TRIO: variants seen among roughly 807,000 people sequenced by gnomAD.
TRIO encodes triple functional domain protein.
TRIO carries 58 observed loss-of-function variants against 351.9 expected under a neutral mutation model. The observed-to-expected ratio is 0.16, with a 90% CI of 0.13 to 0.21. The LOEUF is 0.21. Ranked by LOEUF, TRIO falls within the 10% of genes least tolerant of loss-of-function variation. The probability of loss-of-function intolerance (pLI) is 1.00; values close to 1 mark genes in which losing one functional copy is unlikely to be tolerated. For missense variants in TRIO, 3,201 were observed against 4,027.8 expected, an observed-to-expected ratio of 0.79 and a Z score of 5.56; for synonymous variants, 1,758 against 1,595.7, an observed-to-expected ratio of 1.10 and a Z score of -2.42.
chr5:14,326,300 C>A (rs1740376736), intron 9 of TRIO, among the ~76,000 whole-genome samples: 1 of 152,212 alleles, frequency 6.6e-6, no homozygotes, highest in South Asian at 2.1e-4. Context: ...TTCAGTCTTG[C>A]AATTAGGACC....
intron 56 of TRIO, 96 bp from the exon 57 acceptor site, chr5:14,507,784 T>C: frequency 1.4e-6 from 2 of 1,450,042 alleles, no homozygotes; most frequent in Non-Finnish European, 1.9e-6. Context: ...GTTGACATCC[T>C]AGATTCCTTC....
intron 1 of TRIO, among the ~76,000 whole-genome samples, chr5:14,186,484 G>A (rs1482773866): frequency 2.0e-5 from 3 of 152,200 alleles, no homozygotes; most frequent in Non-Finnish European, 4.4e-5. Flanking sequence ...TGGGTGGGCA[G>A]GGACAGACAG....
intron 34 of TRIO, among the ~76,000 whole-genome samples, chr5:14,428,556 G>C (rs1750837155): frequency 6.6e-6 from 1 of 152,182 alleles, no homozygotes; most frequent in African/African-American, 2.4e-5. Flanking sequence ...AGATCAGTCT[G>C]AGACCTGTGA....
intron 2 of TRIO, among the ~76,000 whole-genome samples, chr5:14,274,581 C>T (rs895332859): frequency 3.3e-5 from 5 of 151,958 alleles, no homozygotes; most frequent in Non-Finnish European, 7.4e-5. Flanking sequence ...CTTGGATATC[C>T]CGTAAAGAGA....
Position 14,503,118 on chromosome 5 carries a change from G to A in TRIO, c.8411+461G>A, listed in dbSNP as rs545737667. On this transcript the variant is annotated intron_variant, in intron 54 of 56. Coordinates refer to ENST00000344204, the MANE Select transcript of TRIO (RefSeq NM_007118.4). ...TTCTTTCTCTTCATGAGGGGCAGCCGAGTCAGGGGTGGCCCAGCAGTGCCA... is the reference window on the plus strand; with the variant it reads ...TTCTTTCTCTTCATGAGGGGCAGCCAAGTCAGGGGTGGCCCAGCAGTGCCA... Among the ~76,000 whole-genome samples the A allele has an allele frequency of 3.3e-5, 5 of 152,354 alleles. No homozygotes were observed. In the South Asian group the frequency reaches 8.3e-4, roughly 25 times the overall value.
At chr5:14,319,514 A>G (rs1035469266) in intron 9 of TRIO, among the ~76,000 whole-genome samples, 2 of 152,252 alleles carry the variant, frequency 1.3e-5, no homozygotes, top group Admixed American at 6.5e-5. Context: ...GTAGTACTTT[A>G]GAAGGACGTT....
At chr5:14,422,956 C>G (rs1332508162) in intron 34 of TRIO, among the ~76,000 whole-genome samples, 2 of 152,224 alleles carry the variant, frequency 1.3e-5, no homozygotes, top group South Asian at 2.1e-4. Flanking sequence ...AAGACCCAGT[C>G]TCTTTAAAAA....
At chr5:14,182,998 G>GC (rs1789888092) in intron 1 of TRIO, among the ~76,000 whole-genome samples, 1 of 152,144 alleles carries the variant, frequency 6.6e-6, no homozygotes, top group African/African-American at 2.4e-5. Context: ...CTGGGCCAGG[G>GC]CCCCATCCTT....
rs542961462 is a variant in TRIO at position 14,385,940 on chromosome 5, G to A, written c.3571-1498G>A. Reference sequence around the variant, plus strand: ...AAGATAGACATACAGGTAGTTTACAGTGCCCTCCACAGATGGCCCTTGTGG... The same window carrying A: ...AAGATAGACATACAGGTAGTTTACAATGCCCTCCACAGATGGCCCTTGTGG... On this transcript the variant is annotated intron_variant, in intron 21 of 56. Transcript: ENST00000344204. Among the ~76,000 whole-genome samples, 282 of 152,330 alleles carry A rather than the reference G, an allele frequency of 1.9e-3. 2 individuals are homozygous for A. Among genetic ancestry groups the A allele is most frequent in the African/African-American group, 6.5e-3 (272 of 41,564 alleles).
intron 2 of TRIO, among the ~76,000 whole-genome samples, chr5:14,279,077 TA>T (rs1366463789): frequency 6.6e-6 from 1 of 152,246 alleles, no homozygotes; most frequent in Non-Finnish European, 1.5e-5. Context: ...GAGCACGTGA[TA>T]CCCTACCTGG....
In TRIO at chr5:14,487,924, C is replaced by T. The variant is rs1280286679; in HGVS notation, c.7296C>T (p.Ala2432=). 6.5e-7 allele frequency: 1 copy of T among 1,539,714 alleles called. No homozygotes were observed. Among genetic ancestry groups the T allele is most frequent in the Non-Finnish European group, 8.7e-7 (1 of 1,143,608 alleles). ...AANASGSSPD[A]PAKDARASLG... ...ACGCCTCGGGGTCGAGCCCAGACGC[C>T]CCCGCCAAGGACGCGCGCGCTAGCC... is the stretch of plus-strand genomic sequence containing the variant. The change falls in exon 48 of 57, where the codon GCC becomes GCT. Residue 2432 remains alanine (A), a synonymous_variant. Transcript: ENST00000344204.
intron 23 of TRIO, 151 bp downstream of exon 23, chr5:14,387,998 C>T (rs778806932): frequency 2.3e-5 from 16 of 698,416 alleles, no homozygotes; most frequent in Non-Finnish European, 3.2e-5. Context: ...GCACAGACTT[C>T]GCTGCGTTCA....
intron 15 of TRIO, among the ~76,000 whole-genome samples, chr5:14,365,370 T>C (rs1166351710): frequency 1.3e-5 from 2 of 152,188 alleles, no homozygotes; most frequent in African/African-American, 4.8e-5. Flanking sequence ...AAGCTTATGG[T>C]GCCCTGAAAG....
intron 1 of TRIO, among the ~76,000 whole-genome samples, chr5:14,217,976 A>G (rs964008897): frequency 2.0e-5 from 3 of 152,262 alleles, no homozygotes; most frequent in Non-Finnish European, 4.4e-5. Flanking sequence ...AACATTCAGT[A>G]ACTTTTTGAA....
intron 1 of TRIO, among the ~76,000 whole-genome samples, chr5:14,190,789 G>T (rs554024608): frequency 4.6e-5 from 7 of 152,178 alleles, no homozygotes; most frequent in African/African-American, 1.7e-4. Flanking sequence ...AAAAAGAAGT[G>T]AATGGCTGTT....
At chr5:14,167,802 G>T (rs1788860303) in intron 1 of TRIO, among the ~76,000 whole-genome samples, 1 of 152,226 alleles carries the variant, frequency 6.6e-6, no homozygotes, top group Admixed American at 6.5e-5. Context: ...GCTGTTACTG[G>T]CAGCATTCAC....
chr5:14,149,012 A>T (rs994322681), intron 1 of TRIO, among the ~76,000 whole-genome samples: 24 of 152,182 alleles, frequency 1.6e-4, no homozygotes, highest in Non-Finnish European at 8.8e-5. Context: ...CTTCCCAGTG[A>T]CCCTTGCACT....
chr5:14,486,002 G>A (rs1264075188), intron 47 of TRIO, among the ~76,000 whole-genome samples: 1 of 151,284 alleles, frequency 6.6e-6, no homozygotes, highest in Non-Finnish European at 1.5e-5. Context: ...AAAAAAAAAA[G>A]AGACGGTTCA....
intron 1 of TRIO, among the ~76,000 whole-genome samples, chr5:14,268,144 G>T (rs1795791529): frequency 2.6e-5 from 4 of 152,204 alleles, no homozygotes; most frequent in Admixed American, 1.3e-4. Context: ...ACAGCTCTGA[G>T]AAATGAAAGG....
Sources: gnomAD v4.1 joint callset for allele counts (sites outside exome capture counted in the v4.1 genomes callset) on GRCh38, gnomAD v4.1.1 for gene constraint, MANE v1.5 for transcripts, NCBI Gene and HGNC (gene_info 2026-07-23, HGNC 2026-07-21) for gene names.